The following GSE1 variants were observed in gnomAD, a reference collection of about 807,000 sequenced individuals.
GSE1 encodes genetic suppressor element 1.
A neutral mutation model predicts 112.6 loss-of-function variants in GSE1; 32 were observed. The ratio of observed to expected loss-of-function variants is 0.28; its 90% confidence interval spans 0.21 to 0.38. The LOEUF is 0.38. Ranked by LOEUF, GSE1 falls within the 10% of genes least tolerant of loss-of-function variation. The pLI is 1.00. For synonymous variants in GSE1, 1,115 were observed against 735.6 expected, an observed-to-expected ratio of 1.52 and a Z score of -8.35; for missense variants, 2,348 against 1,699.2, an observed-to-expected ratio of 1.38 and a Z score of -6.71.
In GSE1 at chr16:85,182,633, G is replaced by A. The variant is rs544289655; in HGVS notation, c.2283+10826G>A. Among the ~76,000 whole-genome samples, 4 of 152,306 alleles carry A rather than the reference G, an allele frequency of 2.6e-5. No individual in the cohort carries two copies. The East Asian group carries it at 5.8e-4, about 22-fold the overall frequency. The stretch of plus-strand genomic sequence containing the variant: ...CATTAACGGGAGAAACCTGGAGCAC[G>A]CTGACTGCTCACCTGTCTCTTGGCA... On this transcript the variant is annotated intron_variant, in intron 1 of 2. Coordinates refer to the GSE1 transcript ENST00000637419.
At chr16:85,626,682 A>T (rs966248243) in intron 1 of GSE1, among the ~76,000 whole-genome samples, 28 of 152,302 alleles carry the variant, frequency 1.8e-4, no homozygotes, top group Admixed American at 1.6e-3. Flanking sequence ...CTCAGCTATT[A>T]GCTTGTAATT....
chr16:85,634,185 G>A, intron 2 of GSE1, 53 bp downstream of exon 2: 1 of 1,249,942 alleles, frequency 8.0e-7, no homozygotes, highest in Non-Finnish European at 1.0e-6. Context: ...CCCGAGGCCG[G>A]GACTCAGCCT....
At chr16:85,667,346 A>G (rs922654378) in intron 13 of GSE1, among the ~76,000 whole-genome samples, 1 of 152,234 alleles carries the variant, frequency 6.6e-6, no homozygotes, top group Non-Finnish European at 1.5e-5. Flanking sequence ...CTCAGGCCCC[A>G]CCAGGGGCTG....
At chr16:85,254,811 C>T (rs1906888963) in intron 1 of GSE1, among the ~76,000 whole-genome samples, 1 of 152,238 alleles carries the variant, frequency 6.6e-6, no homozygotes, top group Non-Finnish European at 1.5e-5. Context: ...TGGCCTAGAG[C>T]CCACTGTTAA....
chr16:85,393,866 C>T (rs925599760), intron 2 of GSE1, among the ~76,000 whole-genome samples: 3 of 152,212 alleles, frequency 2.0e-5, no homozygotes, highest in Admixed American at 6.5e-5. Flanking sequence ...TGGGCCTTCT[C>T]ACCGCCAGGG....
At chr16:85,640,190 C>T (rs750725072) in intron 2 of GSE1, among the ~76,000 whole-genome samples, 2 of 152,202 alleles carry the variant, frequency 1.3e-5, no homozygotes, top group Admixed American at 1.3e-4. Flanking sequence ...CCCGTTCCCA[C>T]CCCGCCTCCT....
chr16:85,520,345 C>T (rs145320389), intron 2 of GSE1, among the ~76,000 whole-genome samples: 4,579 of 152,124 alleles, frequency 0.03, 109 homozygotes, highest in South Asian at 0.1. Context: ...GAATTGGAGG[C>T]GGGGACACAA....
At chr16:85,401,884 G>A (rs950237513) in intron 2 of GSE1, among the ~76,000 whole-genome samples, 2 of 152,190 alleles carry the variant, frequency 1.3e-5, no homozygotes, top group African/African-American at 4.8e-5. Context: ...ACTGTGCCTG[G>A]CGTGAGCCTG....
chr16:85,481,609 T>C (rs907095237), intron 2 of GSE1, among the ~76,000 whole-genome samples: 1 of 152,172 alleles, frequency 6.6e-6, no homozygotes, highest in African/African-American at 2.4e-5. Flanking sequence ...GCAATTGATG[T>C]CCGTTTTCTG....
chr16:85,357,800 T>G (rs2046981367), intron 2 of GSE1, among the ~76,000 whole-genome samples: 1 of 152,062 alleles, frequency 6.6e-6, no homozygotes, highest in Non-Finnish European at 1.5e-5. Flanking sequence ...CTTACTGGAG[T>G]TTGGATTTTC....
chr16:85,221,353 A>G (rs962300846), intron 1 of GSE1, among the ~76,000 whole-genome samples: 1 of 151,844 alleles, frequency 6.6e-6, no homozygotes, highest in Non-Finnish European at 1.5e-5. Flanking sequence ...ACATGCACAC[A>G]CACACACCAT....
At chr16:85,242,451 T>G (rs772756548) in intron 1 of GSE1, among the ~76,000 whole-genome samples, 7 of 152,244 alleles carry the variant, frequency 4.6e-5, no homozygotes, top group Non-Finnish European at 8.8e-5. Context: ...TCCATCTTTC[T>G]GTCGGTGCCC....
chr16:85,665,816 A>C (rs2052802787), intron 12 of GSE1, among the ~76,000 whole-genome samples, 160 bp from the exon 13 acceptor site: 1 of 152,250 alleles, frequency 6.6e-6, no homozygotes, highest in Admixed American at 6.5e-5. Context: ...TCTTCAGAGA[A>C]TAGCCATGTG....
At chr16:85,220,363 A>C (rs962700149) in intron 1 of GSE1, among the ~76,000 whole-genome samples, 2 of 152,112 alleles carry the variant, frequency 1.3e-5, no homozygotes, top group African/African-American at 4.8e-5. Context: ...GAGGCAAGCG[A>C]GGCTCCAAGC....
intron 2 of GSE1, among the ~76,000 whole-genome samples, chr16:85,381,744 G>C (rs2047548791): frequency 6.6e-6 from 1 of 152,218 alleles, no homozygotes; most frequent in Non-Finnish European, 1.5e-5. Flanking sequence ...TGCTTCTCAG[G>C]GTTGCAGGCC....
chr16:85,365,572 T>C (rs2047168811), intron 2 of GSE1, among the ~76,000 whole-genome samples: 1 of 152,202 alleles, frequency 6.6e-6, no homozygotes, highest in African/African-American at 2.4e-5. Flanking sequence ...GGGAGCGTCC[T>C]TGGGGACCAC....
rs2052061610 is a variant in GSE1, at chr16:85,657,468, C to T, written c.1504C>T (p.Arg502Trp). 2.5e-6 allele frequency: 4 copies of T among 1,607,618 alleles called. No individual in the cohort carries two copies. The highest frequency in any genetic ancestry group is 3.4e-6 in the Non-Finnish European group (4 of 1,177,700). Residue 502 changes from arginine to tryptophan, a missense_variant, in exon 8 of 16, where the codon CGG (arginine) becomes TGG (tryptophan). Transcript: ENST00000253458. ...GGAGGAGAAGTGGCTGGCGCGGCAGCGGCGGCTGCGGCAGGAGAAGGAGGA... is the reference window on the plus strand; with the variant it reads ...GGAGGAGAAGTGGCTGGCGCGGCAGTGGCGGCTGCGGCAGGAGAAGGAGGA... Reference protein sequence around the residue: ...NEEEKWLARQRRLRQEKEDRQ... With the variant: ...NEEEKWLARQWRLRQEKEDRQ...
intron 1 of GSE1, among the ~76,000 whole-genome samples, chr16:85,574,008 C>T (rs975903467): frequency 4.6e-5 from 7 of 152,220 alleles, no homozygotes; most frequent in African/African-American, 1.4e-4. Flanking sequence ...GACATCCCAT[C>T]AGCTCAGCCC....
rs61178619 is a variant in GSE1, at chr16:85,641,423, G to GCCCCC, written c.227-7124_227-7120dup. Among the ~76,000 whole-genome samples the GCCCCC allele has an allele frequency of 1.3e-3, 201 of 150,444 alleles. 3 individuals are homozygous for GCCCCC. Among genetic ancestry groups the GCCCCC allele is most frequent in the African/African-American group, 4.6e-3 (188 of 40,666 alleles). The stretch of plus-strand genomic sequence containing the variant: ...GCATGGGAGCCCGCCACTGGCTGAC[G>GCCCCC]CCCCCCCCCGCCCTTTTGCAGCTGT... On this transcript the variant is annotated intron_variant, in intron 2 of 15. Coordinates refer to ENST00000253458, the MANE Select transcript of GSE1 (RefSeq NM_014615.5).
Sources: gnomAD v4.1 joint callset for allele counts (sites outside exome capture counted in the v4.1 genomes callset) on GRCh38, gnomAD v4.1.1 for gene constraint, MANE v1.5 for transcripts, NCBI Gene and HGNC (gene_info 2026-07-23, HGNC 2026-07-21) for gene names.